The following NLGN4X variants were observed in gnomAD, a reference collection of about 807,000 sequenced individuals.
NLGN4X encodes neuroligin-4, X-linked.
In NLGN4X, 3 loss-of-function variants were observed where a neutral mutation model predicts 40.3. The ratio of observed to expected loss-of-function variants is 0.07; its 90% CI spans 0.03 to 0.19. The LOEUF is 0.19. Among genes scored for constraint, NLGN4X ranks in the 10% least tolerant of loss-of-function variants. The pLI is 1.00. For missense variants in NLGN4X, 382 were observed against 708.3 expected, an observed-to-expected ratio of 0.54 and a Z score of 5.23; for synonymous variants, 270 against 306.8, an observed-to-expected ratio of 0.88 and a Z score of 1.25.
chrX:5,972,949 C>G (rs1052255201), intron 3 of NLGN4X, among the ~76,000 whole-genome samples: 4 of 111,997 alleles, frequency 3.6e-5, no homozygotes, highest in Admixed American at 9.5e-5. Context: ...ACTGTTGCAA[C>G]AGCTAACAGA....
intron 2 of NLGN4X, among the ~76,000 whole-genome samples, chrX:6,073,522 G>A (rs557435728): frequency 6.1e-4 from 68 of 112,252 alleles, no homozygotes; most frequent in African/African-American, 2.1e-3. Flanking sequence ...AAATAACAGG[G>A]AGGGGAGTGA....
At chrX:6,157,032 T>C (rs1357818771) in intron 1 of NLGN4X, among the ~76,000 whole-genome samples, 8 of 110,848 alleles carry the variant, frequency 7.2e-5, no homozygotes, top group Admixed American at 1.9e-4. Flanking sequence ...ATGCCTGTAT[T>C]GCCAGGTAAT....
chrX:6,114,521 AACACACACACACACACACACAC>A (rs529608747), intron 2 of NLGN4X, among the ~76,000 whole-genome samples: 12 of 95,673 alleles, frequency 1.3e-4, no homozygotes, highest in African/African-American at 3.8e-4. Context: ...CAAAGTGGCA[AACACACACACACACACACACAC>A]ACACACACAC....
At chrX:5,945,323 A>G (rs1194308968) in intron 3 of NLGN4X, among the ~76,000 whole-genome samples, 5 of 111,855 alleles carry the variant, frequency 4.5e-5, no homozygotes, top group African/African-American at 1.3e-4. Flanking sequence ...TGAACTTACT[A>G]AAAACAACAC....
At chrX:5,921,005 A>G (rs2033008754) in intron 3 of NLGN4X, among the ~76,000 whole-genome samples, 1 of 110,031 alleles carries the variant, frequency 9.1e-6, no homozygotes, top group Admixed American at 9.8e-5. Context: ...GAAAAACGCT[A>G]ATAGCATGTT....
chrX:6,176,585 T>C (rs188706256), intron 1 of NLGN4X, among the ~76,000 whole-genome samples: 10 of 110,471 alleles, frequency 9.1e-5, no homozygotes, highest in South Asian at 3.8e-4. Flanking sequence ...TCCTTATAAG[T>C]AGAAAAGGGA....
chrX:6,113,979 C>T (rs1053546806), intron 2 of NLGN4X, among the ~76,000 whole-genome samples: 14 of 110,634 alleles, frequency 1.3e-4, no homozygotes, highest in African/African-American at 4.0e-4. Context: ...CACCACTACG[C>T]CCGGCTAATT....
chrX:5,977,111 A>C (rs189837305), intron 3 of NLGN4X, among the ~76,000 whole-genome samples: 21 of 113,135 alleles, frequency 1.9e-4, no homozygotes, highest in African/African-American at 6.4e-4. Flanking sequence ...TTGTTGTAAC[A>C]GTTTGAAATC....
intron 1 of NLGN4X, among the ~76,000 whole-genome samples, chrX:6,153,794 G>C (rs2040209234): frequency 8.9e-6 from 1 of 111,871 alleles, no homozygotes; most frequent in Non-Finnish European, 1.9e-5. Context: ...GGTTATGACT[G>C]ATCCAGCTGT....
chrX:6,011,381 A>G (rs949110696), intron 3 of NLGN4X, among the ~76,000 whole-genome samples: 2 of 109,062 alleles, frequency 1.8e-5, no homozygotes, highest in African/African-American at 6.7e-5. Context: ...ATATATATAT[A>G]TATATATGTA....
chrX:6,136,958 CT>C (rs1477682185), intron 2 of NLGN4X, among the ~76,000 whole-genome samples: 10 of 112,487 alleles, frequency 8.9e-5, no homozygotes, highest in African/African-American at 3.2e-4. Context: ...CCTCTTCTGG[CT>C]TCTGGCATTC....
intron 1 of NLGN4X, among the ~76,000 whole-genome samples, chrX:6,197,062 C>T (rs1449411712): frequency 1.8e-5 from 2 of 111,648 alleles, no homozygotes; most frequent in Non-Finnish European, 3.8e-5. Flanking sequence ...GATTCACTCT[C>T]GCAAACGTTA....
chrX:5,992,490 A>C (rs755161536), intron 3 of NLGN4X, among the ~76,000 whole-genome samples: 73 of 110,928 alleles, frequency 6.6e-4, no homozygotes, highest in African/African-American at 2.3e-3. Flanking sequence ...AGTCCTAGCT[A>C]CTCGGGAGGT....
intron 1 of NLGN4X, among the ~76,000 whole-genome samples, chrX:6,192,825 A>G (rs894600877): frequency 8.9e-6 from 1 of 111,852 alleles, no homozygotes; most frequent in Non-Finnish European, 1.9e-5. Context: ...GCAGACCCCA[A>G]CTCCACCACC....
At chrX:6,048,136 T>G (rs909470764) in intron 2 of NLGN4X, among the ~76,000 whole-genome samples, 4 of 111,633 alleles carry the variant, frequency 3.6e-5, no homozygotes, top group Non-Finnish European at 7.5e-5. Flanking sequence ...TGAAATGTCT[T>G]TATGACCACG....
At chrX:6,150,810 A>C (rs1463639181) in intron 2 of NLGN4X, among the ~76,000 whole-genome samples, 185 bp downstream of exon 2, 2 of 112,378 alleles carry the variant, frequency 1.8e-5, no homozygotes, top group Admixed American at 1.9e-4. Context: ...TAGATGGCCC[A>C]ATACATACAA....
At chrX:6,075,651 T>C (rs931506057) in intron 2 of NLGN4X, among the ~76,000 whole-genome samples, 7 of 110,923 alleles carry the variant, frequency 6.3e-5, no homozygotes, top group Admixed American at 4.8e-4. Flanking sequence ...GAATTCTTGC[T>C]CTGTTCATTC....
chrX:6,210,220 T>C (rs868519478), intron 1 of NLGN4X, among the ~76,000 whole-genome samples: 4 of 101,091 alleles, frequency 4.0e-5, no homozygotes, highest in Middle Eastern at 4.9e-3. Flanking sequence ...AGTTGATTCT[T>C]TGTGCGTGCG....
In NLGN4X at chrX:6,186,240, C is replaced by A. The variant is rs756980507; in HGVS notation, c.-305-34469G>T. Among the ~76,000 whole-genome samples the A allele has an allele frequency of 5.4e-5, 6 of 111,961 alleles. No homozygotes were observed. The East Asian group carries it at 1.7e-3, about 31-fold the overall frequency. On this transcript the variant is annotated intron_variant, in intron 1 of 5. Transcript: ENST00000381095. Reference sequence around the variant, plus strand: ...CCATGCAGTGTCTGGGGCAACCATTCCACTCTGGCACTGTAGTATAAAAGA... The same window carrying A: ...CCATGCAGTGTCTGGGGCAACCATTACACTCTGGCACTGTAGTATAAAAGA...
Sources: allele counts gnomAD v4.1 joint callset (sites outside exome capture counted in the v4.1 genomes callset), GRCh38; gene constraint gnomAD v4.1.1; transcripts MANE v1.5; gene names NCBI Gene and HGNC (gene_info 2026-07-23, HGNC 2026-07-21).